The following PEX14 variants were observed in gnomAD, a reference collection of about 807,000 sequenced individuals.
PEX14 encodes peroxisomal membrane protein PEX14.
PEX14 carries 15 observed loss-of-function variants against 49.5 expected under a neutral mutation model. The observed-to-expected ratio is 0.30, with a 90% CI of 0.20 to 0.47. The LOEUF is 0.47. PEX14 is among the 20% of genes least tolerant of loss of function. PEX14 has a pLI of 1.00. For synonymous variants in PEX14, 210 were observed against 212.7 expected (o/e 0.99, Z 0.11); for missense variants, 398 against 494.8 (o/e 0.80, Z 1.86).
In PEX14 at chr1:10,618,295, G is replaced by A. The variant is rs781651302; in HGVS notation, c.299-37G>A. ...GCCCCCACCCGAAGAAGGACGCCAT[G>A]TGCGTCTTCTAACCCTCCTCCTCTT... is the stretch of plus-strand genomic sequence containing the variant. On this transcript the variant is annotated intron_variant, in intron 4 of 8. Transcript: ENST00000356607. 4.2e-5 allele frequency: 66 copies of A among 1,558,744 alleles called. 1 individual carries two copies. In the South Asian group the frequency reaches 6.9e-4, roughly 16 times the overall value.
rs577266714 is a variant in PEX14 at position 10,488,477 on chromosome 1, T to C, written c.37-6797T>C. On this transcript the variant is annotated intron_variant, in intron 1 of 8. Transcript: ENST00000356607. ...TGGCCTGAAATTTTTATTTTACATATTATACTTTTCATGTCTAGAAATTCT... is the reference window on the plus strand; with the variant it reads ...TGGCCTGAAATTTTTATTTTACATACTATACTTTTCATGTCTAGAAATTCT... 7.9e-5 allele frequency among the ~76,000 whole-genome samples: 12 copies of C among 151,888 alleles called. 1 individual carries two copies. The South Asian group carries it at 2.5e-3, about 32-fold the overall frequency.
At chr1:10,625,701 G>A (rs1232036111) in intron 7 of PEX14, among the ~76,000 whole-genome samples, 1 of 152,242 alleles carries the variant, frequency 6.6e-6, no homozygotes. Context: ...GCTCTCCTGG[G>A]TCAGGTCATC....
At chr1:10,532,338 G>A (rs1638673376) in intron 2 of PEX14, among the ~76,000 whole-genome samples, 1 of 151,902 alleles carries the variant, frequency 6.6e-6, no homozygotes, top group African/African-American at 2.4e-5. Context: ...GGAATTGGTG[G>A]TGGCAGGGTT....
intron 5 of PEX14, among the ~76,000 whole-genome samples, chr1:10,622,209 G>A (rs1271478540): frequency 1.3e-5 from 2 of 152,150 alleles, no homozygotes; most frequent in African/African-American, 4.8e-5. Context: ...GGCTCCTTCG[G>A]GCATCCCTGG....
intron 4 of PEX14, 142 bp downstream of exon 4, chr1:10,599,508 T>C: frequency 2.2e-6 from 2 of 925,612 alleles, no homozygotes; most frequent in Non-Finnish European, 3.5e-6. Context: ...TCCCAAGGAA[T>C]GTGACACACC....
intron 3 of PEX14, among the ~76,000 whole-genome samples, chr1:10,598,795 T>C (rs1390389239): frequency 6.6e-6 from 1 of 152,236 alleles, no homozygotes; most frequent in Non-Finnish European, 1.5e-5. Flanking sequence ...TCAGAAACGA[T>C]CTAGACTAAT....
At chr1:10,620,065 A>C (rs1323362692) in intron 5 of PEX14, among the ~76,000 whole-genome samples, 1 of 152,090 alleles carries the variant, frequency 6.6e-6, no homozygotes, top group Non-Finnish European at 1.5e-5. Flanking sequence ...CAGTAAGCCA[A>C]GATCATGCCA....
chr1:10,611,259 TC>T (rs879557558), intron 4 of PEX14, among the ~76,000 whole-genome samples: 1 of 151,328 alleles, frequency 6.6e-6, no homozygotes, highest in East Asian at 1.9e-4. Flanking sequence ...CAAGACTCTG[TC>T]CCCCCACCGA....
chr1:10,564,231 G>A (rs1639737767), intron 3 of PEX14, among the ~76,000 whole-genome samples: 1 of 151,956 alleles, frequency 6.6e-6, no homozygotes, highest in Admixed American at 6.6e-5. Context: ...CTGGACTCCA[G>A]TTGTAATTGT....
rs72857013 is a variant in PEX14 at position 10,569,254 on chromosome 1, T to C, written c.170-29984T>C. ...GCCATGAAGTATGTGATAGTTGTGCTTTCTCTTTTGTAAAATTTTTTTTTC... is the reference window on the plus strand; with the variant it reads ...GCCATGAAGTATGTGATAGTTGTGCCTTCTCTTTTGTAAAATTTTTTTTTC... On this transcript the variant is annotated intron_variant, in intron 3 of 8. Transcript: ENST00000356607. Among the ~76,000 whole-genome samples the C allele has an allele frequency of 6.0e-3, 907 of 152,318 alleles. 7 individuals are homozygous for C. Among genetic ancestry groups the C allele is most frequent in the African/African-American group, 0.02 (852 of 41,570 alleles).
intron 2 of PEX14, among the ~76,000 whole-genome samples, chr1:10,500,426 C>CGGTTT (rs1641656638): frequency 6.7e-6 from 1 of 150,032 alleles, no homozygotes; most frequent in African/African-American, 2.5e-5. Flanking sequence ...TAGCTACAGC[C>CGGTTT]GGTTGCCTGT....
intron 2 of PEX14, among the ~76,000 whole-genome samples, chr1:10,510,227 T>C (rs992110872): frequency 3.3e-5 from 5 of 152,258 alleles, no homozygotes; most frequent in African/African-American, 1.2e-4. Context: ...TGCTGGTGTC[T>C]TTCTTAGTTC....
At chr1:10,515,185 C>T (rs531325379) in intron 2 of PEX14, among the ~76,000 whole-genome samples, 1 of 151,838 alleles carries the variant, frequency 6.6e-6, no homozygotes, top group Admixed American at 6.6e-5. Context: ...AAAGAGAATG[C>T]ACTTATTCAG....
intron 3 of PEX14, among the ~76,000 whole-genome samples, chr1:10,548,793 A>G (rs1198565649): frequency 6.6e-6 from 1 of 152,156 alleles, no homozygotes; most frequent in Non-Finnish European, 1.5e-5. Flanking sequence ...GCTGACTTAT[A>G]TTTCAATTGT....
In PEX14 at chr1:10,613,318, C is replaced by T. The variant is rs192656774; in HGVS notation, c.299-5014C>T. ...TGAATAGTTAGGAGCTGTGGGGATG[C>T]ACCTCTCCTGCCCCCGCTCTACCAT... On this transcript the variant is annotated intron_variant, in intron 4 of 8. Coordinates refer to ENST00000356607, the MANE Select transcript of PEX14 (RefSeq NM_004565.3). This position sits in a 1 kb window ranked among gnomAD's most constrained non-coding sequence, Gnocchi z 5.0. Among the ~76,000 whole-genome samples the T allele has an allele frequency of 6.6e-6, 1 of 152,292 alleles. No individual in the cohort carries two copies. Among genetic ancestry groups the T allele is most frequent in the African/African-American group, 2.4e-5 (1 of 41,566 alleles).
rs1223935802 is a variant in PEX14, at chr1:10,492,274, T to C, written c.37-3000T>C. 2.6e-5 allele frequency among the ~76,000 whole-genome samples: 4 copies of C among 152,292 alleles called. No homozygotes were observed. The East Asian group carries it at 5.8e-4, about 22-fold the overall frequency. On this transcript the variant is annotated intron_variant, in intron 1 of 8. Coordinates refer to ENST00000356607, the MANE Select transcript of PEX14 (RefSeq NM_004565.3). ...GCAGTTCCTTGGTGGAAACAATTCA[T>C]AGTGATTAGTTTTATTTTAGGAAGA...
At chr1:10,545,463 C>T (rs1639141122) in intron 3 of PEX14, among the ~76,000 whole-genome samples, 1 of 152,140 alleles carries the variant, frequency 6.6e-6, no homozygotes, top group African/African-American at 2.4e-5. Context: ...TATGAGTGTA[C>T]CAGCATTTTG....
chr1:10,626,853 A>C (rs796462633), intron 7 of PEX14, among the ~76,000 whole-genome samples: 4 of 152,312 alleles, frequency 2.6e-5, no homozygotes, highest in African/African-American at 9.6e-5. Context: ...GTTTATTTGG[A>C]AAACAGTGTT....
chr1:10,496,562 C>G (rs140228410), intron 2 of PEX14, among the ~76,000 whole-genome samples: 7 of 152,262 alleles, frequency 4.6e-5, no homozygotes, highest in African/African-American at 1.7e-4. Flanking sequence ...TCTCTCTTTT[C>G]AAATTTTGAT....
Sources: gnomAD v4.1 joint callset for allele counts (sites outside exome capture counted in the v4.1 genomes callset) on GRCh38, gnomAD v4.1.1 for gene constraint, Gnocchi (gnomAD v3.1) non-coding constraint, MANE v1.5 for transcripts, NCBI Gene and HGNC (gene_info 2026-07-23, HGNC 2026-07-21) for gene names.